MGAM: variants seen among roughly 807,000 people sequenced by gnomAD.
The protein encoded by MGAM is maltase-glucoamylase.
MGAM carries 253 observed loss-of-function variants against 358.8 expected under a neutral mutation model. The observed-to-expected ratio is 0.71, with a 90% CI of 0.64 to 0.78. The LOEUF (loss-of-function observed/expected upper bound fraction) is 0.78, where lower values mean the gene tolerates loss of function less well. Among genes scored for constraint, MGAM ranks in the 30% least tolerant of loss-of-function variants. MGAM has a pLI of 0.00. For synonymous variants in MGAM, 1,105 were observed against 1,227.1 expected, an observed-to-expected ratio of 0.90 and a Z score of 2.08; for missense variants, 3,080 against 3,432.6, an observed-to-expected ratio of 0.90 and a Z score of 2.57.
At chr7:142,026,347 T>G (rs77267585) in intron 8 of MGAM, among the ~76,000 whole-genome samples, 4 of 152,176 alleles carry the variant, frequency 2.6e-5, no homozygotes, top group Admixed American at 2.0e-4. Flanking sequence ...GGAGAAACTT[T>G]TCCTCTAACC....
rs968278439 is a variant in MGAM at position 142,096,488 on chromosome 7, C to T, written c.7692+73C>T. On this transcript the variant is annotated intron_variant, in intron 65 of 70. Coordinates refer to ENST00000475668, the MANE Select transcript of MGAM (RefSeq NM_001365693.1). ...TGGGGAAAAGGACGAGGAGAAGAGG[C>T]CTGAGCTGGTGGGGGTCCTAAGACA... 3.7e-5 allele frequency: 55 copies of T among 1,490,876 alleles called. No individual in the cohort carries two copies. The African/African-American group carries it at 5.5e-4, about 15-fold the overall frequency. 92.4% of individuals were successfully genotyped at this position (1,490,876 alleles called of 1,614,324 possible). A position where few individuals can be genotyped will look rare whatever the true frequency, so the allele number is the denominator to read the frequency against.
chr7:142,045,093 A>G (rs187660415), intron 21 of MGAM, among the ~76,000 whole-genome samples: 2 of 74,992 alleles, frequency 2.7e-5, no homozygotes, highest in Admixed American at 1.9e-4. Context: ...GATATATAAT[A>G]TGTATATTAT....
At chr7:142,062,517 G>C (rs183251912) in intron 34 of MGAM, 51 bp from the exon 35 acceptor site, 1 of 1,527,972 alleles carries the variant, frequency 6.5e-7, no homozygotes, top group South Asian at 1.3e-5. Flanking sequence ...GTGCCTGTTT[G>C]CTGTCTTCTA....
At position 142,100,815 on chromosome 7, in the gene MGAM, A is replaced by G; in HGVS notation, c.7888A>G (p.Met2630Val). 1.2e-6 allele frequency: 2 copies of G among 1,612,082 alleles called. No individual in the cohort carries two copies. The highest frequency in any genetic ancestry group is 2.2e-5 in the South Asian group (2 of 90,366). The change falls in exon 68 of 71, where the codon ATG becomes GTG. Residue 2630 changes from methionine to valine, a missense_variant. By Grantham distance (21) the Met-to-Val change is conservative. Around this residue, in one of 5 missense-constraint regions of MGAM, gnomAD observed 194 missense variants for 172.8 expected, o/e 1.12. Coordinates refer to ENST00000475668, the MANE Select transcript of MGAM (RefSeq NM_001365693.1). ...LNTHLSRQKF[M>V]GFKIALDDEG... is the part of the protein sequence containing the mutation. ...TGCTCACTGCAGCCGCCAGAAATTC[A>G]TGGGCTTCAAAATTGCCTTGGATGA...
intron 21 of MGAM, among the ~76,000 whole-genome samples, chr7:142,044,996 G>A (rs1489560376): frequency 2.2e-5 from 2 of 92,542 alleles, no homozygotes; most frequent in Non-Finnish European, 4.1e-5. Context: ...TTATATACAC[G>A]TGTAATATAT....
chr7:142,030,684 G>A lies in MGAM; in HGVS notation c.1397G>A (p.Gly466Asp). Residue 466 changes from glycine to aspartate, a missense_variant, in exon 12 of 71, where the codon GGC becomes GAC. By Grantham distance (94) the Gly-to-Asp change is moderately conservative (BLOSUM62 -1). Around this residue, in one of 5 missense-constraint regions of MGAM, gnomAD observed 1,816 missense variants for 1,840.5 expected, o/e 0.99. Transcript: ENST00000475668. ...AACTCTTCCTCAAGTAAACCCTATGGCCCATATGACAGGGGTTCAGATATG... is the reference window on the plus strand; with the variant it reads ...AACTCTTCCTCAAGTAAACCCTATGACCCATATGACAGGGGTTCAGATATG... ...SNNSSSSKPYGPYDRGSDMKI... is the reference protein window; with the variant it reads ...SNNSSSSKPYDPYDRGSDMKI... The A allele has an allele frequency of 6.2e-7, 1 of 1,613,242 alleles. No homozygotes were observed. The highest frequency in any genetic ancestry group is 8.5e-7 in the Non-Finnish European group (1 of 1,179,400).
chr7:142,093,054 C>T lies in MGAM; in HGVS notation c.7034-358C>T, dbSNP rs577570952. On this transcript the variant is annotated intron_variant, in intron 59 of 70. Coordinates refer to ENST00000475668, the MANE Select transcript of MGAM (RefSeq NM_001365693.1). ...GTTTTGTGACTTTTCACAGATTATG[C>T]GATATGTCCAAATCTCAGTCTGCTA... 1.8e-4 allele frequency among the ~76,000 whole-genome samples: 26 copies of T among 146,122 alleles called. 1 individual carries two copies. Among genetic ancestry groups the T allele is most frequent in the African/African-American group, 2.4e-4 (10 of 41,046 alleles).
rs1563214482 is a variant in MGAM at position 142,088,817 on chromosome 7, TGTAC to T, written c.6810+2101_6810+2104del. 1.0e-4 allele frequency among the ~76,000 whole-genome samples: 10 copies of T among 97,102 alleles called. 1 individual carries two copies. Among genetic ancestry groups the T allele is most frequent in the Middle Eastern group, 6.3e-3 (1 of 160 alleles). The allele number at this position is 97,102 out of a possible 152,430, so 63.7% of individuals were successfully genotyped here. A position where few individuals can be genotyped will look rare whatever the true frequency, so the allele number is the denominator to read the frequency against. Reference sequence around the variant, plus strand: ...TCTATCTATCATTCTATCCTATCTATGTACCATCTATCTATCTATCTATCTATCT... The same window carrying T: ...TCTATCTATCATTCTATCCTATCTATCATCTATCTATCTATCTATCTATCT... On this transcript the variant is annotated intron_variant, in intron 57 of 70. Coordinates refer to ENST00000475668, the MANE Select transcript of MGAM (RefSeq NM_001365693.1).
intron 67 of MGAM, among the ~76,000 whole-genome samples, chr7:142,100,119 A>G (rs1816312433): frequency 6.6e-6 from 1 of 152,250 alleles, no homozygotes; most frequent in Non-Finnish European, 1.5e-5. Context: ...TTAAAATTCT[A>G]GATCAAAGTC....
At chr7:142,043,774 A>C (rs1444775876) in intron 21 of MGAM, among the ~76,000 whole-genome samples, 7 of 83,198 alleles carry the variant, frequency 8.4e-5, no homozygotes, top group Non-Finnish European at 1.7e-4. Flanking sequence ...TATATACATT[A>C]TATACACATA....
rs1160663345 is a variant in MGAM at position 141,996,154 on chromosome 7, G to A, written c.-3+224G>A. Among the ~76,000 whole-genome samples, 3 of 151,900 alleles carry A rather than the reference G, an allele frequency of 2.0e-5. No homozygotes were observed. The South Asian group carries it at 6.2e-4, about 32-fold the overall frequency. ...TCTACTAAAAAAATACAAAAAATTA[G>A]CCGGGCATGGTGGCGGGCGCCTGTA... is the stretch of plus-strand genomic sequence containing the variant. On this transcript the variant is annotated intron_variant, in intron 1 of 70. Coordinates refer to ENST00000475668, the MANE Select transcript of MGAM (RefSeq NM_001365693.1).
Position 142,091,941 on chromosome 7 carries a change from A to T in MGAM, c.6839A>T (p.Asp2280Val). 3.3e-6 allele frequency: 5 copies of T among 1,526,042 alleles called. No homozygotes were observed. The highest frequency in any genetic ancestry group is 4.5e-6 in the Non-Finnish European group (5 of 1,112,744). 94.5% of individuals were successfully genotyped at this position (1,526,042 alleles called of 1,614,324 possible). A position where few individuals can be genotyped will look rare whatever the true frequency, so the allele number is the denominator to read the frequency against. ...TATCGAGCTTATGTGGCCTTCCCAG[A>T]CTTTTTCCGTAATTCAACTGCCAAG... ...ELYRAYVAFP[D>V]FFRNSTAKWW... Residue 2280 changes from aspartate to valine, a missense_variant, in exon 58 of 71, where the codon GAC (aspartate) becomes GTC (valine). Physicochemically the swap from Asp to Val is radical, Grantham distance 152 (BLOSUM62 -3). Coordinates refer to ENST00000475668, the MANE Select transcript of MGAM (RefSeq NM_001365693.1).
In MGAM at chr7:142,050,246, A is replaced by G. The variant is rs1016579416; in HGVS notation, c.2599A>G (p.Asn867Asp). 3 of 1,613,836 alleles carry G rather than the reference A, an allele frequency of 1.9e-6. No individual in the cohort carries two copies. The highest frequency in any genetic ancestry group is 1.3e-5 in the African/African-American group (1 of 75,038). ...DNGETKDTVA[N>D]KVYLLCEFSV... ...TCTCTCACTTTCAGATACTGTGGCC[A>G]ATAAAGTGTATCTTTTATGTGAGTT... The change falls in exon 23 of 71, where the codon AAT (asparagine) becomes GAT (aspartate). Residue 867 changes from asparagine (N) to aspartate (D), a missense_variant. This residue lies in a region of MGAM where 1,816 missense variants were observed against 1,840.5 expected (regional missense o/e 0.99). Coordinates refer to ENST00000475668, the MANE Select transcript of MGAM (RefSeq NM_001365693.1).
intron 3 of MGAM, among the ~76,000 whole-genome samples, chr7:142,009,335 C>T (rs1283219179): frequency 6.6e-6 from 1 of 152,150 alleles, no homozygotes; most frequent in Non-Finnish European, 1.5e-5. Flanking sequence ...CTTGCCCACA[C>T]CCTATGTTTG....
intron 47 of MGAM, among the ~76,000 whole-genome samples, chr7:142,077,721 G>A (rs1813855990): frequency 6.9e-6 from 1 of 145,246 alleles, no homozygotes; most frequent in Middle Eastern, 3.5e-3. Context: ...ATTATTCATT[G>A]TATGCCTGAA....
At chr7:142,064,815 G>A (rs1179660139) in intron 37 of MGAM, among the ~76,000 whole-genome samples, 2 of 152,130 alleles carry the variant, frequency 1.3e-5, no homozygotes, top group Non-Finnish European at 2.9e-5. Context: ...GCAGCCAGTG[G>A]AACAATAGCT....
Position 142,045,272 on chromosome 7 carries a change from A to G in MGAM, c.2499-2513A>G, listed in dbSNP as rs183947458. Among the ~76,000 whole-genome samples, 524 of 80,710 alleles carry G rather than the reference A, an allele frequency of 6.5e-3. 121 individuals are homozygous for G. The highest frequency in any genetic ancestry group is 0.02 in the Middle Eastern group (1 of 50). The allele number at this position is 80,710 out of a possible 152,430, so 52.9% of individuals were successfully genotyped here. A position where few individuals can be genotyped will look rare whatever the true frequency, so the allele number is the denominator to read the frequency against. On this transcript the variant is annotated intron_variant, in intron 21 of 70. Coordinates refer to ENST00000475668, the MANE Select transcript of MGAM (RefSeq NM_001365693.1). ...ATATGATATATAATATATATTATAT[A>G]TACCTATAATATATGATATATAATA...
At chr7:142,058,444 A>T in intron 31 of MGAM, 116 bp downstream of exon 31, 1 of 1,523,604 alleles carries the variant, frequency 6.6e-7, no homozygotes, top group South Asian at 1.3e-5. Flanking sequence ...TTTTTCAGAC[A>T]ATATCACAGT....
chr7:141,987,622 G>A (rs537778400), intron 2 of MGAM, among the ~76,000 whole-genome samples: 1 of 151,872 alleles, frequency 6.6e-6, no homozygotes, highest in African/African-American at 2.4e-5. Context: ...GAAATAATGG[G>A]GGTTTCTAGA....
Sources: gnomAD v4.1 joint callset for allele counts (sites outside exome capture counted in the v4.1 genomes callset) on GRCh38, gnomAD v4.1.1 for gene constraint, gnomAD v4.1.1 regional missense constraint, MANE v1.5 for transcripts, NCBI Gene and HGNC (gene_info 2026-07-23, HGNC 2026-07-21) for gene names.